Variants in SLC24A3 observed in about 807,000 individuals in gnomAD.
SLC24A3 encodes solute carrier family 24 member 3.
SLC24A3 carries 28 observed loss-of-function variants against 75.8 expected under a neutral mutation model. The observed-to-expected ratio is 0.37, with a 90% CI of 0.27 to 0.51. SLC24A3 has a LOEUF of 0.51. Among genes scored for constraint, SLC24A3 ranks in the 20% least tolerant of loss-of-function variants. The probability of loss-of-function intolerance (pLI) is 0.94; values close to 1 mark genes in which losing one functional copy is unlikely to be tolerated. For synonymous variants in SLC24A3, 372 were observed against 334.1 expected, an observed-to-expected ratio of 1.11 and a Z score of -1.24; for missense variants, 663 against 847.8, an observed-to-expected ratio of 0.78 and a Z score of 2.71.
rs767462609 is a variant in SLC24A3, at chr20:19,409,460, C to T, written c.272-106028C>T. Among the ~76,000 whole-genome samples, 15 of 152,118 alleles carry T rather than the reference C, an allele frequency of 9.9e-5. No homozygotes were observed. The East Asian group carries it at 1.4e-3, about 14-fold the overall frequency. On this transcript the variant is annotated intron_variant, in intron 2 of 16. Transcript: ENST00000328041. ...TGAGAAGGAGGAGAATGTTCTGTGC[C>T]GGATCAGACAAGTGAACTAGAAAAG... is the stretch of plus-strand genomic sequence containing the variant.
At chr20:19,239,727 T>C (rs1426644559) in intron 1 of SLC24A3, among the ~76,000 whole-genome samples, 1 of 152,090 alleles carries the variant, frequency 6.6e-6, no homozygotes, top group Non-Finnish European at 1.5e-5. Context: ...ACCCCAAGGG[T>C]CCTGGCTCCC....
intron 2 of SLC24A3, among the ~76,000 whole-genome samples, chr20:19,449,035 A>G (rs145428102): frequency 5.3e-5 from 8 of 152,340 alleles, no homozygotes; most frequent in African/African-American, 1.4e-4. Context: ...TTCAGGAGTC[A>G]TTTATTAATG....
intron 3 of SLC24A3, among the ~76,000 whole-genome samples, chr20:19,535,755 AG>A (rs1250353625): frequency 6.6e-6 from 1 of 152,176 alleles, no homozygotes; most frequent in East Asian, 1.9e-4. Flanking sequence ...ATATTTATTT[AG>A]GGTACTGGGA....
intron 2 of SLC24A3, among the ~76,000 whole-genome samples, chr20:19,323,582 C>T (rs2122280537): frequency 6.6e-6 from 1 of 152,334 alleles, no homozygotes; most frequent in Admixed American, 6.5e-5. Context: ...CAGCACACAT[C>T]CCTAGCCTGC....
chr20:19,555,841 G>A (rs1880243002), intron 3 of SLC24A3, among the ~76,000 whole-genome samples: 1 of 152,162 alleles, frequency 6.6e-6, no homozygotes, highest in African/African-American at 2.4e-5. Context: ...GTAAATGCTG[G>A]TAGTCACAAA....
intron 2 of SLC24A3, among the ~76,000 whole-genome samples, chr20:19,432,086 G>A (rs1987113667): frequency 6.6e-6 from 1 of 152,082 alleles, no homozygotes. Context: ...TCTGGTTGAG[G>A]TCATCAAAGG....
chr20:19,648,551 CATAAATATTATATAATATTACAG>C (rs1484791669), intron 6 of SLC24A3, among the ~76,000 whole-genome samples: 1 of 151,282 alleles, frequency 6.6e-6, no homozygotes, highest in Non-Finnish European at 1.5e-5. Flanking sequence ...GAAAAGTTAT[CATAAATATTATATAATATTACAG>C]ATACGCAATC....
intron 6 of SLC24A3, among the ~76,000 whole-genome samples, chr20:19,652,473 A>C (rs774735710): frequency 6.6e-6 from 1 of 152,246 alleles, no homozygotes; most frequent in African/African-American, 2.4e-5. Flanking sequence ...AAGAGTTTAC[A>C]GTACTGAGAG....
At chr20:19,468,143 G>A (rs77925840) in intron 2 of SLC24A3, among the ~76,000 whole-genome samples, 1 of 152,282 alleles carries the variant, frequency 6.6e-6, no homozygotes, top group East Asian at 1.9e-4. Context: ...TAATGAGAAA[G>A]TGGAGTTAAG....
chr20:19,606,461 A>G (rs1199720156), intron 6 of SLC24A3, among the ~76,000 whole-genome samples: 1 of 152,192 alleles, frequency 6.6e-6, no homozygotes, highest in South Asian at 2.1e-4. Flanking sequence ...CAAAAACACA[A>G]AATTTTTGCA....
chr20:19,609,266 G>A (rs1332984695), intron 6 of SLC24A3, among the ~76,000 whole-genome samples: 1 of 151,372 alleles, frequency 6.6e-6, no homozygotes, highest in African/African-American at 2.4e-5. Context: ...TTACACCAAG[G>A]AACAATTAAC....
At chr20:19,357,005 A>T (rs1186804244) in intron 2 of SLC24A3, among the ~76,000 whole-genome samples, 1 of 152,112 alleles carries the variant, frequency 6.6e-6, no homozygotes, top group African/African-American at 2.4e-5. Flanking sequence ...ACCTGTGAAT[A>T]TTGCTTTGGT....
chr20:19,648,439 G>A (rs1390178836), intron 6 of SLC24A3, among the ~76,000 whole-genome samples: 2 of 151,000 alleles, frequency 1.3e-5, no homozygotes, highest in Non-Finnish European at 2.9e-5. Context: ...ATGTTGTTTT[G>A]TTTGCTTCAA....
intron 12 of SLC24A3, among the ~76,000 whole-genome samples, chr20:19,686,916 G>A (rs1007064871): frequency 1.3e-4 from 20 of 152,198 alleles, no homozygotes; most frequent in Admixed American, 1.3e-3. Context: ...GCCACCATCA[G>A]ATATATTTCT....
intron 2 of SLC24A3, among the ~76,000 whole-genome samples, chr20:19,418,000 C>T (rs903970789): frequency 3.9e-5 from 6 of 152,120 alleles, no homozygotes; most frequent in Non-Finnish European, 8.8e-5. Context: ...TTGGAGGTCC[C>T]CTGAGAGATT....
intron 2 of SLC24A3, among the ~76,000 whole-genome samples, chr20:19,378,391 C>T (rs1986123902): frequency 6.6e-6 from 1 of 152,120 alleles, no homozygotes; most frequent in Admixed American, 6.5e-5. Context: ...TTTTAAACTC[C>T]AAGCTACTGG....
chr20:19,397,455 G>C (rs558398833), intron 2 of SLC24A3, among the ~76,000 whole-genome samples: 1 of 152,108 alleles, frequency 6.6e-6, no homozygotes, highest in African/African-American at 2.4e-5. Context: ...CTTGAGCCCA[G>C]GAGTTGAGCA....
chr20:19,690,745 G>A (rs930365184), intron 12 of SLC24A3, among the ~76,000 whole-genome samples: 7 of 151,928 alleles, frequency 4.6e-5, no homozygotes, highest in Admixed American at 3.3e-4. Flanking sequence ...ACAACTCTCA[G>A]CCAGGCTTCT....
rs1224022189 is a variant in SLC24A3, at chr20:19,720,983, C to T, written c.1786-8C>T. 26 of 1,613,168 alleles carry T rather than the reference C, an allele frequency of 1.6e-5. No homozygotes were observed. The highest frequency in any genetic ancestry group is 1.9e-5 in the Non-Finnish European group (23 of 1,179,806). ...TGGTGCCCTCTGAACCTGTTCTGTG[C>T]CCTGCAGGTGTTCGGCGTCCACCTG... On this transcript the variant is annotated splice_polypyrimidine_tract_variant and splice_region_variant and intron_variant, in intron 16 of 16. Transcript: ENST00000328041.
Sources: gnomAD v4.1 joint callset for allele counts (sites outside exome capture counted in the v4.1 genomes callset) on GRCh38, gnomAD v4.1.1 for gene constraint, MANE v1.5 for transcripts, NCBI Gene and HGNC (gene_info 2026-07-23, HGNC 2026-07-21) for gene names.